PRICKLE1: variants seen among roughly 807,000 people sequenced by gnomAD.
The protein encoded by PRICKLE1 is prickle-like protein 1.
A neutral mutation model predicts 70.2 loss-of-function variants in PRICKLE1; 14 were observed. The ratio of observed to expected loss-of-function variants is 0.20; its 90% CI spans 0.13 to 0.31. PRICKLE1 has a LOEUF of 0.31. Among genes scored for constraint, PRICKLE1 ranks in the 10% least tolerant of loss-of-function variants. The pLI is 1.00. For missense variants in PRICKLE1, 821 were observed against 1,026.2 expected (o/e 0.80, Z 2.73); for synonymous variants, 357 against 379.9 (o/e 0.94, Z 0.70).
chr12:42,562,374 G>T (rs913795453), intron 1 of PRICKLE1, among the ~76,000 whole-genome samples: 1 of 152,062 alleles, frequency 6.6e-6, no homozygotes, highest in Non-Finnish European at 1.5e-5. Flanking sequence ...TCAATTCGAG[G>T]ATGTAAAAAT....
At chr12:42,537,612 A>C (rs913296737) in intron 1 of PRICKLE1, among the ~76,000 whole-genome samples, 4 of 152,238 alleles carry the variant, frequency 2.6e-5, no homozygotes, top group African/African-American at 9.6e-5. Flanking sequence ...CATTCAACAA[A>C]TATTTAATGA....
chr12:42,559,900 T>C (rs11181555), intron 1 of PRICKLE1, among the ~76,000 whole-genome samples: 40,064 of 151,370 alleles, frequency 0.26, 7,540 homozygotes, highest in African/African-American at 0.54. Flanking sequence ...GTTTGGAGCC[T>C]GTGCTGAAGG....
At chr12:42,497,405 A>T (rs562619871) in intron 1 of PRICKLE1, among the ~76,000 whole-genome samples, 8 of 151,820 alleles carry the variant, frequency 5.3e-5, no homozygotes, top group Non-Finnish European at 7.4e-5. Flanking sequence ...CAAAATTAGC[A>T]GGGCGTGGTG....
intron 7 of PRICKLE1, among the ~76,000 whole-genome samples, chr12:42,461,067 G>C (rs998750785): frequency 4.6e-5 from 7 of 152,136 alleles, no homozygotes; most frequent in Non-Finnish European, 1.0e-4. Flanking sequence ...TTTTAGTAAA[G>C]ACGGGGTTTC....
At chr12:42,495,418 G>GGTGTTGC (rs1555233531) in intron 1 of PRICKLE1, among the ~76,000 whole-genome samples, 1 of 148,846 alleles carries the variant, frequency 6.7e-6, no homozygotes, top group Non-Finnish European at 1.5e-5. Flanking sequence ...GAGAGAGAGA[G>GGTGTTGC]GTGTTGCGTC....
Position 42,464,433 on chromosome 12 carries a change from C to T in PRICKLE1, c.1601G>A (p.Arg534Gln), listed in dbSNP as rs756192425. The T allele has an allele frequency of 1.3e-4, 203 of 1,614,048 alleles. No homozygotes were observed. The highest frequency in any genetic ancestry group is 5.5e-4 in the Admixed American group (33 of 60,006). ...LSDLKPEQSVRDSMDSLALSN... is the reference protein window; with the variant it reads ...LSDLKPEQSVQDSMDSLALSN... ...CAATGCCAAAGAATCCATCGAATCCCGAACACTTTGCTCTGGTTTCAGGTC... is the reference window on the plus strand; with the variant it reads ...CAATGCCAAAGAATCCATCGAATCCTGAACACTTTGCTCTGGTTTCAGGTC... The change falls in exon 7 of 8, where the codon CGG becomes CAG. Residue 534 changes from arginine to glutamine, a missense_variant. Arg to Gln is a conservative substitution (Grantham distance 43). Transcript: ENST00000345127. The surrounding 1 kb of genome is among the most constrained non-coding windows in gnomAD (Gnocchi z 4.2).
chr12:42,561,905 C>CTTTTTTTTTTTTTTTTTTTT (rs60450733), intron 1 of PRICKLE1, among the ~76,000 whole-genome samples: 1 of 87,252 alleles, frequency 1.1e-5, no homozygotes. Flanking sequence ...TTTTTCTTTT[C>CTTTTTTTTTTTTTTTTTTTT]TTTTTTTTTT....
chr12:42,535,799 A>G (rs1940008145), intron 1 of PRICKLE1, among the ~76,000 whole-genome samples: 1 of 152,220 alleles, frequency 6.6e-6, no homozygotes, highest in Non-Finnish European at 1.5e-5. Context: ...CAAGAAAGAA[A>G]GAAAAGAAAT....
intron 5 of PRICKLE1, among the ~76,000 whole-genome samples, chr12:42,468,265 T>C (rs367728081): frequency 3.9e-5 from 6 of 152,362 alleles, no homozygotes; most frequent in African/African-American, 1.4e-4. Flanking sequence ...ACATATATCA[T>C]ATTGTTTTTT....
At chr12:42,503,988 T>C (rs1939360113) in intron 1 of PRICKLE1, among the ~76,000 whole-genome samples, 1 of 151,918 alleles carries the variant, frequency 6.6e-6, no homozygotes, top group South Asian at 2.1e-4. Context: ...TCTAGGTCTG[T>C]GGCAAAAAAA....
At chr12:42,465,910 G>T in intron 6 of PRICKLE1, 1 of 500,796 alleles carries the variant, frequency 2.0e-6, no homozygotes, top group Admixed American at 3.3e-5. Context: ...TGTGACCAGA[G>T]GCTCACAGGA....
At chr12:42,484,655 A>G (rs1233891184) in intron 1 of PRICKLE1, among the ~76,000 whole-genome samples, 1 of 152,242 alleles carries the variant, frequency 6.6e-6, no homozygotes, top group East Asian at 1.9e-4. Context: ...GTTTTTACAA[A>G]TAGGTTAAGT....
chr12:42,555,055 C>T (rs1355652153), intron 1 of PRICKLE1, among the ~76,000 whole-genome samples: 7 of 151,986 alleles, frequency 4.6e-5, no homozygotes, highest in African/African-American at 7.3e-5. Context: ...GTAATCCTAG[C>T]GCTTTGGGAG....
At chr12:42,515,472 G>A (rs1410250146) in intron 1 of PRICKLE1, among the ~76,000 whole-genome samples, 1 of 151,994 alleles carries the variant, frequency 6.6e-6, no homozygotes, top group African/African-American at 2.4e-5. Flanking sequence ...TCCTGACCTC[G>A]GGTGATCCAC....
chr12:42,571,736 CA>C (rs1383474551), intron 1 of PRICKLE1, among the ~76,000 whole-genome samples: 3 of 152,190 alleles, frequency 2.0e-5, no homozygotes, highest in African/African-American at 7.2e-5. Context: ...TATCACTGTG[CA>C]TCAAAGAGCT....
intron 1 of PRICKLE1, among the ~76,000 whole-genome samples, chr12:42,553,543 G>C (rs1940363316): frequency 6.6e-6 from 1 of 151,178 alleles, no homozygotes; most frequent in South Asian, 2.2e-4. Flanking sequence ...GGGGCGGGGG[G>C]GGTCTGAGTG....
intron 1 of PRICKLE1, among the ~76,000 whole-genome samples, chr12:42,523,204 T>C (rs1473084470): frequency 2.6e-5 from 4 of 152,188 alleles, no homozygotes; most frequent in Non-Finnish European, 5.9e-5. Context: ...CCTGACCTCA[T>C]GATCCGCCCG....
At chr12:42,548,662 A>C (rs1441965612) in intron 1 of PRICKLE1, among the ~76,000 whole-genome samples, 1 of 152,184 alleles carries the variant, frequency 6.6e-6, no homozygotes, top group Non-Finnish European at 1.5e-5. Context: ...AGGAGGTGGG[A>C]TTTGTGTTGA....
chr12:42,523,157 C>T (rs538150195), intron 1 of PRICKLE1, among the ~76,000 whole-genome samples: 12 of 151,996 alleles, frequency 7.9e-5, no homozygotes, highest in East Asian at 7.7e-4. Context: ...TTAGTAGAGA[C>T]GGGGTTTCAC....
Sources: gnomAD v4.1 joint callset for allele counts (sites outside exome capture counted in the v4.1 genomes callset) on GRCh38, gnomAD v4.1.1 for gene constraint, Gnocchi (gnomAD v3.1) non-coding constraint, MANE v1.5 for transcripts, NCBI Gene and HGNC (gene_info 2026-07-23, HGNC 2026-07-21) for gene names.